NPAS3: variants seen among roughly 807,000 people sequenced by gnomAD.
NPAS3 encodes neuronal PAS domain protein 3, also known as neuronal PAS domain-containing protein 3.
NPAS3 carries 14 observed loss-of-function variants against 73.1 expected under a neutral mutation model. The ratio of observed to expected loss-of-function variants is 0.19; its 90% CI spans 0.13 to 0.30. The LOEUF is 0.30. NPAS3 is among the 10% of genes least tolerant of loss of function. The probability of loss-of-function intolerance (pLI) is 1.00; values close to 1 mark genes in which losing one functional copy is unlikely to be tolerated. For missense variants in NPAS3, 1,096 were observed against 1,250.0 expected, an observed-to-expected ratio of 0.88 and a Z score of 1.86; for synonymous variants, 620 against 541.5, an observed-to-expected ratio of 1.14 and a Z score of -2.01.
intron 2 of NPAS3, among the ~76,000 whole-genome samples, chr14:33,153,600 A>G (rs1261240833): frequency 6.6e-6 from 1 of 152,160 alleles, no homozygotes; most frequent in South Asian, 2.1e-4. Context: ...AATGATCTCC[A>G]GAGAATAAAC....
intron 2 of NPAS3, among the ~76,000 whole-genome samples, chr14:33,136,492 GA>G (rs1338235085): frequency 6.6e-6 from 1 of 152,136 alleles, no homozygotes; most frequent in Non-Finnish European, 1.5e-5. Context: ...TGGAATTTAG[GA>G]CTGCAGTAAT....
chr14:33,293,182 A>G (rs942349122), intron 3 of NPAS3, among the ~76,000 whole-genome samples: 2 of 152,176 alleles, frequency 1.3e-5, no homozygotes, highest in African/African-American at 2.4e-5. Context: ...TTGCTTACTC[A>G]TAGTTTAATG....
At chr14:33,495,892 A>G (rs781737742) in intron 4 of NPAS3, among the ~76,000 whole-genome samples, 3 of 152,088 alleles carry the variant, frequency 2.0e-5, no homozygotes, top group Non-Finnish European at 4.4e-5. Flanking sequence ...AATCCCTTCA[A>G]AAAAATCAAT....
chr14:33,102,979 A>T (rs1320607681), intron 2 of NPAS3, among the ~76,000 whole-genome samples: 5 of 152,176 alleles, frequency 3.3e-5, no homozygotes, highest in Admixed American at 2.6e-4. Flanking sequence ...GCAGGCATTT[A>T]GTAAGTGTCT....
At chr14:33,614,121 C>G (rs1172972902) in intron 5 of NPAS3, among the ~76,000 whole-genome samples, 1 of 152,196 alleles carries the variant, frequency 6.6e-6, no homozygotes, top group Non-Finnish European at 1.5e-5. Flanking sequence ...TCACTGAATA[C>G]AGATCTGGGT....
intron 1 of NPAS3, among the ~76,000 whole-genome samples, chr14:33,047,196 T>C (rs1020820665): frequency 1.3e-5 from 2 of 152,356 alleles, no homozygotes; most frequent in Admixed American, 6.5e-5. Context: ...TATATACATA[T>C]TATCTTTCTA....
intron 5 of NPAS3, among the ~76,000 whole-genome samples, chr14:33,642,183 T>C (rs1428191267): frequency 1.3e-5 from 2 of 152,218 alleles, no homozygotes; most frequent in African/African-American, 4.8e-5. Flanking sequence ...GTGTCCTGTC[T>C]TCATTTTCTT....
chr14:33,120,664 A>T (rs747821681), intron 2 of NPAS3, among the ~76,000 whole-genome samples: 8 of 152,126 alleles, frequency 5.3e-5, no homozygotes, highest in Non-Finnish European at 1.2e-4. Context: ...CTTATTAGAA[A>T]TGTATAATCT....
At chr14:32,978,897 A>C (rs2037792348) in intron 1 of NPAS3, among the ~76,000 whole-genome samples, 1 of 152,132 alleles carries the variant, frequency 6.6e-6, no homozygotes, top group African/African-American at 2.4e-5. Context: ...ACACCCTTTG[A>C]AGATGTCTTA....
chr14:33,463,192 C>T (rs928785479), intron 4 of NPAS3, among the ~76,000 whole-genome samples: 2 of 152,070 alleles, frequency 1.3e-5, no homozygotes, highest in Admixed American at 6.6e-5. Context: ...ACATCTTGGC[C>T]GGCCCATTTC....
intron 4 of NPAS3, among the ~76,000 whole-genome samples, chr14:33,521,513 TAAAAA>T (rs35106729): frequency 3.8e-5 from 5 of 133,064 alleles, no homozygotes; most frequent in Non-Finnish European, 4.8e-5. Context: ...TGATCTGCTT[TAAAAA>T]AAAAAAAAAA....
intron 2 of NPAS3, among the ~76,000 whole-genome samples, chr14:33,166,584 G>T (rs2045162163): frequency 6.6e-6 from 1 of 152,090 alleles, no homozygotes; most frequent in Non-Finnish European, 1.5e-5. Context: ...AATGCTTTCT[G>T]AATTGAAGTG....
At chr14:33,350,582 C>G (rs576100562) in intron 3 of NPAS3, among the ~76,000 whole-genome samples, 1 of 152,216 alleles carries the variant, frequency 6.6e-6, no homozygotes, top group African/African-American at 2.4e-5. Context: ...TAAGAACAAA[C>G]GCACTGAAGA....
chr14:33,745,270 C>T (rs2061759782), intron 7 of NPAS3, among the ~76,000 whole-genome samples: 1 of 151,994 alleles, frequency 6.6e-6, no homozygotes, highest in Admixed American at 6.6e-5. Context: ...CTGGGAAGTG[C>T]AATAATGTGA....
chr14:33,655,219 A>G (rs918205116), intron 5 of NPAS3, among the ~76,000 whole-genome samples: 1 of 152,170 alleles, frequency 6.6e-6, no homozygotes, highest in South Asian at 2.1e-4. Flanking sequence ...AACTACCTGC[A>G]TAGCCCTCAG....
intron 4 of NPAS3, among the ~76,000 whole-genome samples, chr14:33,473,529 T>G (rs1370083339): frequency 6.6e-6 from 1 of 152,208 alleles, no homozygotes; most frequent in Non-Finnish European, 1.5e-5. Context: ...TTACTAAGTG[T>G]CATGCATGTA....
At position 33,563,343 on chromosome 14, in the gene NPAS3, G is replaced by A. The variant is rs537049418; in HGVS notation, c.558+3133G>A. On this transcript the variant is annotated intron_variant, in intron 5 of 11. Coordinates refer to ENST00000356141, the Ensembl canonical transcript of NPAS3. Reference sequence around the variant, plus strand: ...GCATGGGGATAGAGACAGCCAGAGCGGATTTTCTCTTTGACTCTCCCTTGG... The same window carrying A: ...GCATGGGGATAGAGACAGCCAGAGCAGATTTTCTCTTTGACTCTCCCTTGG... 6.2e-4 allele frequency among the ~76,000 whole-genome samples: 88 copies of A among 141,354 alleles called. 1 individual carries two copies. The highest frequency in any genetic ancestry group is 2.0e-3 in the African/African-American group (75 of 36,612). The allele number at this position is 141,354 out of a possible 152,430, so 92.7% of individuals were successfully genotyped here.
In NPAS3 at chr14:33,367,319, A is replaced by G. The variant is rs776882702; in HGVS notation, c.468+51A>G. The G allele has an allele frequency of 2.0e-4, 158 of 785,686 alleles. 2 individuals are homozygous for G. In the Middle Eastern group the frequency reaches 8.6e-3, roughly 43 times the overall value. The allele number at this position is 785,686 out of a possible 1,614,324, so 48.7% of individuals were successfully genotyped here. A position where few individuals can be genotyped will look rare whatever the true frequency, so the allele number is the denominator to read the frequency against. On this transcript the variant is annotated intron_variant, in intron 4 of 11. Coordinates refer to ENST00000356141, the Ensembl canonical transcript of NPAS3. ...TCTTATATTTTACTAAGAAAAAACC[A>G]TATGTTTAGTCTTTTTTTTAAAGAA...
intron 3 of NPAS3, among the ~76,000 whole-genome samples, chr14:33,350,134 T>C (rs142668720): frequency 1.2e-3 from 178 of 152,312 alleles, no homozygotes; most frequent in African/African-American, 3.8e-3. Flanking sequence ...TGTTATCAAA[T>C]TCACTGTAAT....
Sources: gnomAD v4.1 joint callset for allele counts (sites outside exome capture counted in the v4.1 genomes callset) on GRCh38, gnomAD v4.1.1 for gene constraint, MANE v1.5 for transcripts, NCBI Gene and HGNC (gene_info 2026-07-23, HGNC 2026-07-21) for gene names.